Variants in FILIP1 observed in about 807,000 individuals in gnomAD.
The protein encoded by FILIP1 is filamin-A-interacting protein 1.
In FILIP1, 61 loss-of-function variants were observed where a neutral mutation model predicts 102.1. That is an observed-to-expected ratio of 0.60 (90% CI 0.49 to 0.74). FILIP1 has a LOEUF of 0.74. Ranked by LOEUF, FILIP1 falls within the 30% of genes least tolerant of loss-of-function variation. The pLI, the probability that FILIP1 is intolerant of heterozygous loss-of-function variation, is 0.00. For synonymous variants in FILIP1, 491 were observed against 526.9 expected (o/e 0.93, Z 0.93); for missense variants, 1,314 against 1,441.2 (o/e 0.91, Z 1.43).
chr6:75,474,031 C>T (rs1318447383), intron 1 of FILIP1: 3 of 152,082 alleles, frequency 2.0e-5, no homozygotes, highest in Non-Finnish European at 2.9e-5. Flanking sequence ...TAAATTATTT[C>T]GAAATAGCTT....
At chr6:75,322,962 G>A (rs1773714223) in intron 4 of FILIP1, among the ~76,000 whole-genome samples, 1 of 152,134 alleles carries the variant, frequency 6.6e-6, no homozygotes, top group Admixed American at 6.5e-5. Context: ...CCAAAGTGCT[G>A]GGATTACAAG....
chr6:75,473,314 T>C (rs1779383875), intron 1 of FILIP1, among the ~76,000 whole-genome samples: 1 of 152,332 alleles, frequency 6.6e-6, no homozygotes, highest in South Asian at 2.1e-4. Context: ...TGTGTGATTC[T>C]GAAATAAATT....
intron 1 of FILIP1, among the ~76,000 whole-genome samples, chr6:75,424,964 A>G (rs1260403386): frequency 1.3e-5 from 2 of 152,196 alleles, no homozygotes; most frequent in Non-Finnish European, 2.9e-5. Flanking sequence ...ATAACATAAA[A>G]GAATAACTTA....
intron 1 of FILIP1, among the ~76,000 whole-genome samples, chr6:75,461,973 G>T (rs545977444): frequency 1.6e-4 from 25 of 152,254 alleles, no homozygotes; most frequent in Non-Finnish European, 2.8e-4. Context: ...AAAAGCAAAG[G>T]CATGGCTGCC....
intron 1 of FILIP1, among the ~76,000 whole-genome samples, chr6:75,484,587 G>T (rs1779732544): frequency 6.6e-6 from 1 of 152,254 alleles, no homozygotes; most frequent in Non-Finnish European, 1.5e-5. Context: ...ATTTAAATCA[G>T]AACCTCTGGG....
intron 1 of FILIP1, among the ~76,000 whole-genome samples, chr6:75,418,218 A>C (rs147313623): frequency 2.5e-3 from 383 of 152,290 alleles, no homozygotes; most frequent in Middle Eastern, 6.8e-3. Context: ...AAAAGCTACA[A>C]ATGCTAAGAT....
chr6:75,365,638 C>T (rs1020653914), intron 2 of FILIP1, among the ~76,000 whole-genome samples: 7 of 152,238 alleles, frequency 4.6e-5, no homozygotes, highest in South Asian at 2.1e-4. Flanking sequence ...CTGCCCGCCT[C>T]GGCCTCCCAA....
chr6:75,460,496 A>G (rs1438030900), intron 1 of FILIP1, among the ~76,000 whole-genome samples: 1 of 152,190 alleles, frequency 6.6e-6, no homozygotes, highest in Admixed American at 6.5e-5. Context: ...GTAATATTAG[A>G]TATTGAATCA....
chr6:75,395,229 A>G (rs1434743503), intron 2 of FILIP1, among the ~76,000 whole-genome samples: 1 of 152,196 alleles, frequency 6.6e-6, no homozygotes, highest in Non-Finnish European at 1.5e-5. Flanking sequence ...CTTTTAAACC[A>G]TATGTGTGAA....
intron 3 of FILIP1, among the ~76,000 whole-genome samples, chr6:75,356,472 T>C (rs983251436): frequency 2.8e-4 from 36 of 127,984 alleles, no homozygotes; most frequent in African/African-American, 1.2e-3. Flanking sequence ...TTTTGTAGTC[T>C]TTTTTTTTTT....
chr6:75,328,743 C>A (rs1377183477), intron 4 of FILIP1, among the ~76,000 whole-genome samples: 1 of 151,826 alleles, frequency 6.6e-6, no homozygotes, highest in African/African-American at 2.4e-5. Context: ...CCACCTCAGC[C>A]TCCCAAAGTA....
chr6:75,442,347 G>A (rs573262157), intron 1 of FILIP1, among the ~76,000 whole-genome samples: 3 of 152,132 alleles, frequency 2.0e-5, no homozygotes, highest in Non-Finnish European at 4.4e-5. Flanking sequence ...CTTCCCAGAC[G>A]GGGTGGCGGC....
intron 1 of FILIP1, among the ~76,000 whole-genome samples, chr6:75,460,941 C>T (rs570523295): frequency 4.6e-5 from 7 of 152,060 alleles, no homozygotes; most frequent in Non-Finnish European, 7.4e-5. Context: ...TGTAACAAAA[C>T]GTTTAGTTCT....
chr6:75,444,155 C>CA (rs2149725940), intron 1 of FILIP1, among the ~76,000 whole-genome samples: 1 of 152,244 alleles, frequency 6.6e-6, no homozygotes, highest in East Asian at 1.9e-4. Flanking sequence ...TTGATCCCAC[C>CA]AAAAAATCAG....
At chr6:75,469,075 ATGG>A (rs1779257845) in intron 1 of FILIP1, among the ~76,000 whole-genome samples, 1 of 152,052 alleles carries the variant, frequency 6.6e-6, no homozygotes, top group Non-Finnish European at 1.5e-5. Context: ...CTGAAAAATA[ATGG>A]TGAACAAAAA....
chr6:75,426,729 T>C (rs150673186), intron 1 of FILIP1, among the ~76,000 whole-genome samples: 2 of 149,264 alleles, frequency 1.3e-5, no homozygotes, highest in Non-Finnish European at 3.0e-5. Context: ...GAAAGAACCA[T>C]GGGCACTACT....
intron 1 of FILIP1, among the ~76,000 whole-genome samples, chr6:75,419,810 T>A (rs879496490): frequency 6.6e-6 from 1 of 152,224 alleles, no homozygotes; most frequent in Non-Finnish European, 1.5e-5. Context: ...TAAATCCGCA[T>A]ATAAATATCC....
intron 1 of FILIP1, among the ~76,000 whole-genome samples, chr6:75,483,563 G>A (rs1015504751): frequency 6.6e-6 from 1 of 152,106 alleles, no homozygotes; most frequent in Admixed American, 6.6e-5. Context: ...AAGAAACAAA[G>A]TCATGAGGGG....
intron 4 of FILIP1, among the ~76,000 whole-genome samples, chr6:75,328,680 G>A (rs1773958628): frequency 6.6e-6 from 1 of 152,022 alleles, no homozygotes; most frequent in Non-Finnish European, 1.5e-5. Context: ...GTAGAGATGG[G>A]GTTTCACATG....
Sources: allele counts gnomAD v4.1 joint callset (sites outside exome capture counted in the v4.1 genomes callset), GRCh38; gene constraint gnomAD v4.1.1; transcripts MANE v1.5; gene names NCBI Gene and HGNC (gene_info 2026-07-23, HGNC 2026-07-21).